The following CNOT6L variants were observed in gnomAD, a reference collection of about 807,000 sequenced individuals.
CNOT6L encodes the protein CCR4-NOT transcription complex subunit 6 like, also known as CCR4-NOT transcription complex subunit 6-like.
CNOT6L carries 7 observed loss-of-function variants against 64.0 expected under a neutral mutation model. That is an observed-to-expected ratio of 0.11 (90% CI 0.06 to 0.21). CNOT6L has a LOEUF of 0.21. Among genes scored for constraint, CNOT6L ranks in the 10% least tolerant of loss-of-function variants. The pLI, the probability that CNOT6L is intolerant of heterozygous loss-of-function variation, is 1.00. For missense variants in CNOT6L, 245 were observed against 669.0 expected (o/e 0.37, Z 6.99); for synonymous variants, 193 against 243.4 (o/e 0.79, Z 1.93).
Position 77,715,442 on chromosome 4 carries a change from C to T in CNOT6L, c.*4989G>A, listed in dbSNP as rs567434562. 9 of 152,200 alleles carry T rather than the reference C, an allele frequency of 5.9e-5. 1 individual carries two copies. In the South Asian group the frequency reaches 1.5e-3, roughly 25 times the overall value. The allele number at this position is 152,200 out of a possible 1,614,324, so 9.4% of individuals were successfully genotyped here. On this transcript the variant is annotated 3_prime_UTR_variant, in exon 12 of 12. Coordinates refer to ENST00000504123, the MANE Select transcript of CNOT6L (RefSeq NM_144571.3). ...ATTTTACTTAAAAAATATTCTATTACTTCAATGTCATGTCTGTTGAACGAA... is the reference window on the plus strand; with the variant it reads ...ATTTTACTTAAAAAATATTCTATTATTTCAATGTCATGTCTGTTGAACGAA...
At chr4:77,752,802 C>A (rs1724995471) in intron 5 of CNOT6L, among the ~76,000 whole-genome samples, 1 of 151,364 alleles carries the variant, frequency 6.6e-6, no homozygotes, top group African/African-American at 2.4e-5. Flanking sequence ...GGCATGTTCA[C>A]CTTAAGCTAG....
chr4:77,768,688 A>G (rs1031212458), intron 4 of CNOT6L, among the ~76,000 whole-genome samples: 2 of 151,896 alleles, frequency 1.3e-5, no homozygotes, highest in African/African-American at 2.4e-5. Context: ...ATAATAGCCA[A>G]CAGACACATG....
intron 1 of CNOT6L, among the ~76,000 whole-genome samples, chr4:77,806,084 C>G (rs1732187214): frequency 6.6e-6 from 1 of 152,112 alleles, no homozygotes; most frequent in South Asian, 2.1e-4. Flanking sequence ...TCTTCCCAGT[C>G]CCATCTCCTC....
chr4:77,725,291 T>C (rs1283730771), intron 11 of CNOT6L, among the ~76,000 whole-genome samples: 3 of 152,226 alleles, frequency 2.0e-5, no homozygotes, highest in Non-Finnish European at 4.4e-5. Context: ...AGGGAGGCCA[T>C]TTGTAAATTT....
intron 1 of CNOT6L, among the ~76,000 whole-genome samples, chr4:77,789,558 G>A (rs374669377): frequency 3.3e-5 from 5 of 149,746 alleles, no homozygotes; most frequent in East Asian, 4.0e-4. Context: ...CTGTAGTCCC[G>A]GCTACTCAGG....
chr4:77,742,340 G>A (rs374427204), intron 7 of CNOT6L, 45 bp from the exon 8 acceptor site: 20 of 1,524,274 alleles, frequency 1.3e-5, no homozygotes, highest in African/African-American at 2.7e-5. Context: ...GAGGGAAAAT[G>A]CTGATTAAGA....
intron 1 of CNOT6L, among the ~76,000 whole-genome samples, chr4:77,782,299 A>G (rs1728950340): frequency 6.6e-6 from 1 of 151,962 alleles, no homozygotes; most frequent in Admixed American, 6.6e-5. Context: ...GCACTGTGCC[A>G]TTTTTGAAGT....
intron 1 of CNOT6L, among the ~76,000 whole-genome samples, chr4:77,778,725 C>A (rs889672648): frequency 2.0e-5 from 3 of 151,564 alleles, no homozygotes; most frequent in African/African-American, 7.3e-5. Flanking sequence ...CCACGGCACC[C>A]AGCCCAATTT....
chr4:77,713,619 T>A lies in CNOT6L; in HGVS notation c.*6812A>T, dbSNP rs1243241016. On this transcript the variant is annotated 3_prime_UTR_variant, in exon 12 of 12. Transcript: ENST00000504123. The stretch of plus-strand genomic sequence containing the variant: ...TTTAAAAGGCAGGACTGCTTTTTTT[T>A]AGTCAATGTTCACATTAATGAAAAA... 1.3e-5 allele frequency: 2 copies of A among 152,548 alleles called. No homozygotes were observed. The highest frequency in any genetic ancestry group is 4.8e-5 in the African/African-American group (2 of 41,452). The allele number at this position is 152,548 out of a possible 1,614,324, so 9.4% of individuals were successfully genotyped here.
intron 3 of CNOT6L, 93 bp downstream of exon 3, chr4:77,774,437 C>A: frequency 9.9e-7 from 1 of 1,006,464 alleles, no homozygotes; most frequent in Non-Finnish European, 1.5e-6. Context: ...ATAGTTACAA[C>A]ACACAGAAAT....
At chr4:77,724,656 A>G (rs1721636937) in intron 11 of CNOT6L, among the ~76,000 whole-genome samples, 1 of 151,714 alleles carries the variant, frequency 6.6e-6, no homozygotes, top group African/African-American at 2.4e-5. Flanking sequence ...AAAAAAAAAA[A>G]AGGGCTATGT....
At chr4:77,812,033 A>G (rs1233764192) in intron 1 of CNOT6L, among the ~76,000 whole-genome samples, 1 of 152,220 alleles carries the variant, frequency 6.6e-6, no homozygotes, top group Non-Finnish European at 1.5e-5. Context: ...TATCCAGGGC[A>G]ATTAAGCAAG....
chr4:77,818,631 T>C (rs1733842601), intron 1 of CNOT6L, among the ~76,000 whole-genome samples: 2 of 152,164 alleles, frequency 1.3e-5, no homozygotes, highest in African/African-American at 4.8e-5. Flanking sequence ...GGGCGAAGGC[T>C]TGCAGTTGGA....
intron 5 of CNOT6L, among the ~76,000 whole-genome samples, chr4:77,753,132 A>G (rs191861309): frequency 6.6e-6 from 1 of 151,300 alleles, no homozygotes; most frequent in East Asian, 1.9e-4. Flanking sequence ...AGAAATGGAA[A>G]TCAGAATAGT....
intron 8 of CNOT6L, among the ~76,000 whole-genome samples, chr4:77,738,101 G>A (rs1420565174): frequency 2.0e-5 from 3 of 152,064 alleles, no homozygotes; most frequent in Admixed American, 1.3e-4. Flanking sequence ...GCAAGGACTT[G>A]GCCTTACCTG....
In CNOT6L at chr4:77,714,212, T is replaced by C. The variant is rs974438207; in HGVS notation, c.*6219A>G. On this transcript the variant is annotated 3_prime_UTR_variant, in exon 12 of 12. Transcript: ENST00000504123. ...TAGGTCACAGAATGACTCAAATGTATGCAAAATAATGAATTCTTTAACTTA... is the reference window on the plus strand; with the variant it reads ...TAGGTCACAGAATGACTCAAATGTACGCAAAATAATGAATTCTTTAACTTA... 6.6e-6 allele frequency: 1 copy of C among 152,528 alleles called. No homozygotes were observed. The highest frequency in any genetic ancestry group is 1.5e-5 in the Non-Finnish European group (1 of 68,024). 9.4% of individuals were successfully genotyped at this position (152,528 alleles called of 1,614,324 possible). A position where few individuals can be genotyped will look rare whatever the true frequency, so the allele number is the denominator to read the frequency against.
intron 4 of CNOT6L, among the ~76,000 whole-genome samples, chr4:77,761,853 T>C (rs1251659035): frequency 6.6e-6 from 1 of 152,066 alleles, no homozygotes; most frequent in African/African-American, 2.4e-5. Context: ...CAAGAGTTCG[T>C]AAAAAGCTCC....
chr4:77,772,661 ATCT>A (rs1727695448), intron 4 of CNOT6L, among the ~76,000 whole-genome samples: 1 of 152,156 alleles, frequency 6.6e-6, no homozygotes, highest in Non-Finnish European at 1.5e-5. Context: ...GGTGGCTCAC[ATCT>A]GTAATACCAG....
chr4:77,747,769 T>C (rs1262014791), intron 6 of CNOT6L, among the ~76,000 whole-genome samples: 1 of 152,194 alleles, frequency 6.6e-6, no homozygotes, highest in Non-Finnish European at 1.5e-5. Flanking sequence ...TATCCTTATA[T>C]TGCTCAAATA....
Sources: gnomAD v4.1 joint callset for allele counts (sites outside exome capture counted in the v4.1 genomes callset) on GRCh38, gnomAD v4.1.1 for gene constraint, MANE v1.5 for transcripts, NCBI Gene and HGNC (gene_info 2026-07-23, HGNC 2026-07-21) for gene names.